BTNL8: variants seen among roughly 807,000 people sequenced by gnomAD.
BTNL8 encodes butyrophilin like 8.
BTNL8 carries 22 observed loss-of-function variants against 36.1 expected under a neutral mutation model. The observed-to-expected ratio is 0.61, with a 90% CI of 0.44 to 0.87. The LOEUF (loss-of-function observed/expected upper bound fraction) is 0.87. Ranked by LOEUF, BTNL8 falls within the 40% of genes least tolerant of loss-of-function variation. The pLI, the probability that BTNL8 is intolerant of heterozygous loss-of-function variation, is 0.00. For synonymous variants in BTNL8, 203 were observed against 235.6 expected, an observed-to-expected ratio of 0.86 and a Z score of 1.27; for missense variants, 526 against 616.9, an observed-to-expected ratio of 0.85 and a Z score of 1.56.
intron 3 of BTNL8, among the ~76,000 whole-genome samples, chr5:180,923,952 G>A (rs1757985024): frequency 6.6e-6 from 1 of 152,136 alleles, no homozygotes; most frequent in South Asian, 2.1e-4. Flanking sequence ...GATTAGATAA[G>A]TTTACTAAAA....
At chr5:180,942,317 C>G (rs7736670) in intron 3 of BTNL8, among the ~76,000 whole-genome samples, 5,951 of 152,132 alleles carry the variant, frequency 0.039, 403 homozygotes, top group African/African-American at 0.14. Context: ...AAAAGATACC[C>G]CATGTTCCTG....
rs530838082 is a variant in BTNL8, at chr5:180,910,268, T to C, written c.398-1071T>C. 2.0e-5 allele frequency among the ~76,000 whole-genome samples: 3 copies of C among 150,824 alleles called. No individual in the cohort carries two copies. In the East Asian group the frequency reaches 5.9e-4, roughly 29 times the overall value. On this transcript the variant is annotated intron_variant, in intron 2 of 7. Transcript: ENST00000340184. The stretch of plus-strand genomic sequence containing the variant: ...CAAAAAGAAAAAAAAAAAGAGGAAA[T>C]AAACTATAAACATGCCTTTCTTCAT...
intron 3 of BTNL8, among the ~76,000 whole-genome samples, chr5:180,940,520 C>G (rs1043540576): frequency 1.3e-5 from 2 of 151,548 alleles, no homozygotes; most frequent in African/African-American, 4.9e-5. Flanking sequence ...GAAACAAAGC[C>G]CAAATTTTGT....
chr5:180,922,847 GA>G (rs1193362521), intron 3 of BTNL8, among the ~76,000 whole-genome samples: 3 of 152,034 alleles, frequency 2.0e-5, no homozygotes, highest in Non-Finnish European at 4.4e-5. Flanking sequence ...AGGTCTCCAA[GA>G]ACTTGCTTTA....
In BTNL8 at chr5:180,935,640, G is replaced by T. The variant is rs1758615064; in HGVS notation, c.674-11872G>T. Among the ~76,000 whole-genome samples, 1 of 152,196 alleles carries T rather than the reference G, an allele frequency of 6.6e-6. No individual in the cohort carries two copies. The highest frequency in any genetic ancestry group is 2.4e-5 in the African/African-American group (1 of 41,464). On this transcript the variant is annotated intron_variant, in intron 3 of 7. Transcript: ENST00000340184. The surrounding 1 kb of genome is among the most constrained non-coding windows in gnomAD (Gnocchi z 4.8). ...GAGAGCACAGTGATGCCTGGGTCTG[G>T]AGCTGCGGCTGGGTGACTGCAGTTG...
At chr5:180,931,315 G>A (rs1052469375) in intron 3 of BTNL8, among the ~76,000 whole-genome samples, 3 of 152,090 alleles carry the variant, frequency 2.0e-5, no homozygotes, top group Middle Eastern at 6.8e-3. Flanking sequence ...AACTCAAGAT[G>A]GATTATAGAC....
At chr5:180,945,723 CTT>C (rs1297934738) in intron 3 of BTNL8, 2 of 451,126 alleles carry the variant, frequency 4.4e-6, no homozygotes, top group South Asian at 3.3e-5. Flanking sequence ...CGCTAACTCT[CTT>C]CTTTCACCTA....
At chr5:180,943,932 A>G (rs766388886) in intron 3 of BTNL8, among the ~76,000 whole-genome samples, 16 of 152,258 alleles carry the variant, frequency 1.1e-4, no homozygotes, top group Admixed American at 6.5e-5. Flanking sequence ...TATTATTTGC[A>G]ACAACATGGA....
intron 3 of BTNL8, among the ~76,000 whole-genome samples, chr5:180,932,385 C>T (rs189698367): frequency 8.5e-5 from 13 of 152,276 alleles, no homozygotes; most frequent in African/African-American, 2.4e-4. Flanking sequence ...CTTGCTCTGT[C>T]GCCCAGGCTG....
chr5:180,939,345 A>T (rs1323080067), intron 3 of BTNL8, among the ~76,000 whole-genome samples: 2 of 152,174 alleles, frequency 1.3e-5, no homozygotes, highest in East Asian at 3.8e-4. Flanking sequence ...CAAAGACTGA[A>T]ATTGAGGGAT....
intron 3 of BTNL8, among the ~76,000 whole-genome samples, chr5:180,923,808 T>G (rs1005967692): frequency 5.3e-5 from 8 of 151,984 alleles, no homozygotes; most frequent in African/African-American, 1.9e-4. Flanking sequence ...TTCATAAAAA[T>G]AAGATCAGTA....
chr5:180,915,759 A>G (rs1304698587), intron 3 of BTNL8, among the ~76,000 whole-genome samples: 1 of 152,274 alleles, frequency 6.6e-6, no homozygotes, highest in Non-Finnish European at 1.5e-5. Context: ...AATAAATATT[A>G]CACTAACAGA....
intron 1 of BTNL8, chr5:180,902,458 C>A (rs7712020): frequency 0.03 from 45,009 of 1,496,698 alleles, 954 homozygotes; most frequent in East Asian, 0.13. Flanking sequence ...GAATGTTTCC[C>A]CCTGATGCAC....
At chr5:180,949,418 T>G (rs1161263485) in intron 7 of BTNL8, 153 bp downstream of exon 7, 1 of 1,162,038 alleles carries the variant, frequency 8.6e-7, no homozygotes, top group Non-Finnish European at 1.2e-6. Flanking sequence ...CCCCAAGGGT[T>G]CAGTGCCCCC....
intron 1 of BTNL8, among the ~76,000 whole-genome samples, 174 bp from the exon 2 acceptor site, chr5:180,908,412 G>C (rs1274571459): frequency 6.6e-6 from 1 of 152,180 alleles, no homozygotes; most frequent in Admixed American, 6.5e-5. Flanking sequence ...CCACTGTCTG[G>C]CACTCCCTAG....
rs762204111 is a variant in BTNL8, at chr5:180,949,316, AGAG to A, written c.862+53_862+55del. The stretch of plus-strand genomic sequence containing the variant: ...TGGGACAGAATCTCAGGTGGACATG[AGAG>A]GGGGAACTGAACAGGGACAGATACG... On this transcript the variant is annotated intron_variant, in intron 7 of 7. Transcript: ENST00000340184. 3 of 1,460,468 alleles carry A rather than the reference AGAG, an allele frequency of 2.1e-6. 1 individual carries two copies. The highest frequency in any genetic ancestry group is 9.5e-7 in the Non-Finnish European group (1 of 1,057,542). The allele number at this position is 1,460,468 out of a possible 1,614,324, so 90.5% of individuals were successfully genotyped here.
rs1488248872 is a variant in BTNL8, at chr5:180,906,428, G to A, written c.50-2158G>A. Among the ~76,000 whole-genome samples the A allele has an allele frequency of 1.7e-4, 21 of 121,480 alleles. 4 individuals are homozygous for A. Among genetic ancestry groups the A allele is most frequent in the Non-Finnish European group, 2.8e-4 (17 of 60,868 alleles). 79.7% of individuals were successfully genotyped at this position (121,480 alleles called of 152,430 possible). ...AGCCTATGTGTGCCTCTGCACGTGA[G>A]ATGGGTTTCCTGAATACAGCACACT... On this transcript the variant is annotated intron_variant, in intron 1 of 7. Coordinates refer to ENST00000340184, the MANE Select transcript of BTNL8 (RefSeq NM_001040462.3).
At chr5:180,933,880 G>A (rs2121120) in intron 3 of BTNL8, among the ~76,000 whole-genome samples, 68,207 of 151,820 alleles carry the variant, frequency 0.45, 16,411 homozygotes, top group African/African-American at 0.63. Flanking sequence ...AAAACTGCCA[G>A]CATTTCTCAA....
At chr5:180,899,960 C>T (rs1756750338) in intron 1 of BTNL8, among the ~76,000 whole-genome samples, 2 of 152,176 alleles carry the variant, frequency 1.3e-5, no homozygotes, top group South Asian at 4.1e-4. Context: ...ATGCTGGTGG[C>T]TAGATGGTCA....
Sources: allele counts gnomAD v4.1 joint callset (sites outside exome capture counted in the v4.1 genomes callset), GRCh38; gene constraint gnomAD v4.1.1; non-coding constraint Gnocchi (gnomAD v3.1); transcripts MANE v1.5; gene names NCBI Gene and HGNC (gene_info 2026-07-23, HGNC 2026-07-21).